DAB1: variants seen among roughly 807,000 people sequenced by gnomAD.
The protein encoded by DAB1 is DAB adaptor protein 1, also known as disabled homolog 1.
A neutral mutation model predicts 64.6 loss-of-function variants in DAB1; 15 were observed. That is an observed-to-expected ratio of 0.23 (90% confidence interval 0.16 to 0.36). The LOEUF (loss-of-function observed/expected upper bound fraction) is 0.36, where lower values mean the gene tolerates loss of function less well. Ranked by LOEUF, DAB1 falls within the 10% of genes least tolerant of loss-of-function variation. DAB1 has a pLI of 1.00. For synonymous variants in DAB1, 235 were observed against 251.9 expected (o/e 0.93, Z 0.64); for missense variants, 596 against 706.7 (o/e 0.84, Z 1.78).
intron 2 of DAB1, among the ~76,000 whole-genome samples, chr1:57,277,712 T>C (rs1570139967): frequency 6.6e-6 from 1 of 152,192 alleles, no homozygotes; most frequent in East Asian, 1.9e-4. Context: ...CTGATCCTTT[T>C]TAGGATCACA....
intron 2 of DAB1, among the ~76,000 whole-genome samples, chr1:57,248,336 T>C (rs1669050897): frequency 6.6e-6 from 1 of 152,160 alleles, no homozygotes; most frequent in African/African-American, 2.4e-5. Context: ...CCTGTAGATA[T>C]GGAGGGTCAA....
At chr1:57,107,884 C>T (rs1178904398) in intron 4 of DAB1, among the ~76,000 whole-genome samples, 1 of 152,150 alleles carries the variant, frequency 6.6e-6, no homozygotes, top group Non-Finnish European at 1.5e-5. Flanking sequence ...GACAAGGCAA[C>T]TGAGCCTTGT....
chr1:57,927,536 CA>C (rs966266937), intron 5 of DAB1, among the ~76,000 whole-genome samples: 1 of 152,018 alleles, frequency 6.6e-6, no homozygotes, highest in Non-Finnish European at 1.5e-5. Flanking sequence ...AAAAACAAAA[CA>C]AAAAACCAAC....
At chr1:58,346,119 G>A (rs6686674) in intron 3 of DAB1, among the ~76,000 whole-genome samples, 56,589 of 152,068 alleles carry the variant, frequency 0.37, 10,809 homozygotes, top group East Asian at 0.51. Flanking sequence ...TTTTGATTAG[G>A]CCTAACTGGA....
At chr1:58,213,468 C>T (rs1401162068) in intron 4 of DAB1, among the ~76,000 whole-genome samples, 1 of 152,116 alleles carries the variant, frequency 6.6e-6, no homozygotes, top group African/African-American at 2.4e-5. Context: ...AAGGCAGGCA[C>T]ATCCTTCTTC....
intron 6 of DAB1, among the ~76,000 whole-genome samples, chr1:57,770,168 G>C (rs1235081742): frequency 6.6e-6 from 1 of 152,146 alleles, no homozygotes; most frequent in Non-Finnish European, 1.5e-5. Context: ...ATCTAGAAGA[G>C]CCTTGGTATA....
intron 7 of DAB1, among the ~76,000 whole-genome samples, chr1:57,574,973 G>T (rs1231675733): frequency 6.6e-6 from 1 of 152,182 alleles, no homozygotes; most frequent in East Asian, 1.9e-4. Context: ...AGAAGGAAAA[G>T]GAGGAGATGA....
intron 6 of DAB1, among the ~76,000 whole-genome samples, chr1:57,795,690 G>GATTATATAT (rs1270547155): frequency 1.2e-4 from 8 of 69,098 alleles, no homozygotes; most frequent in African/African-American, 4.5e-4. Context: ...TATGCTTGGA[G>GATTATATAT]ATATATATAT....
chr1:57,603,195 A>T (rs985119431), intron 7 of DAB1, among the ~76,000 whole-genome samples: 1 of 151,948 alleles, frequency 6.6e-6, no homozygotes, highest in Non-Finnish European at 1.5e-5. Context: ...CTGGTCGCGA[A>T]CTCCCGACCT....
At chr1:57,002,493 G>A (rs891740949) in intron 14 of DAB1, among the ~76,000 whole-genome samples, 2 of 152,176 alleles carry the variant, frequency 1.3e-5, no homozygotes, top group African/African-American at 4.8e-5. Context: ...ATAATGTGGG[G>A]GTAATTCTGT....
At chr1:57,296,626 A>G (rs1272524656) in intron 1 of DAB1, among the ~76,000 whole-genome samples, 1 of 152,180 alleles carries the variant, frequency 6.6e-6, no homozygotes, top group African/African-American at 2.4e-5. Context: ...CTAATTAGGA[A>G]TGATTTAAAT....
intron 4 of DAB1, among the ~76,000 whole-genome samples, chr1:58,236,847 G>T (rs977515803): frequency 1.3e-5 from 2 of 152,126 alleles, no homozygotes; most frequent in African/African-American, 4.8e-5. Flanking sequence ...CAAACTTTAC[G>T]TTGCTTTTAC....
chr1:57,361,074 C>T (rs948236857), intron 1 of DAB1, among the ~76,000 whole-genome samples: 1 of 151,942 alleles, frequency 6.6e-6, no homozygotes, highest in Non-Finnish European at 1.5e-5. Context: ...GAACAGAGGA[C>T]ACCACAGAAC....
chr1:57,604,757 C>A (rs1474084810), intron 7 of DAB1, among the ~76,000 whole-genome samples: 1 of 152,206 alleles, frequency 6.6e-6, no homozygotes, highest in Non-Finnish European at 1.5e-5. Flanking sequence ...AATGGGACTC[C>A]ATTCTCAGCA....
intron 3 of DAB1, among the ~76,000 whole-genome samples, chr1:58,414,652 T>C (rs1390137954): frequency 1.3e-5 from 2 of 152,212 alleles, no homozygotes; most frequent in East Asian, 3.9e-4. Flanking sequence ...CATAGCATTA[T>C]AGAAGGACAT....
chr1:58,382,382 T>C (rs574014577), intron 3 of DAB1, among the ~76,000 whole-genome samples: 18 of 152,288 alleles, frequency 1.2e-4, no homozygotes, highest in African/African-American at 4.3e-4. Flanking sequence ...AAACTCCACC[T>C]GACTGTCAGA....
chr1:58,395,213 A>G (rs1465849314), intron 3 of DAB1, among the ~76,000 whole-genome samples: 1 of 152,046 alleles, frequency 6.6e-6, no homozygotes, highest in Non-Finnish European at 1.5e-5. Flanking sequence ...TAAAATGGAG[A>G]ATGGGGTTCA....
intron 5 of DAB1, among the ~76,000 whole-genome samples, chr1:57,910,049 T>C (rs1391432906): frequency 7.2e-5 from 11 of 152,208 alleles, no homozygotes; most frequent in Non-Finnish European, 1.2e-4. Context: ...TGAGTTCCCA[T>C]TAATTAACTG....
At chr1:57,147,680 T>A (rs1036507896) in intron 2 of DAB1, among the ~76,000 whole-genome samples, 2 of 152,184 alleles carry the variant, frequency 1.3e-5, no homozygotes, top group Non-Finnish European at 2.9e-5. Flanking sequence ...ACTATTTCAG[T>A]CCATAATAAC....
Sources: allele counts gnomAD v4.1 joint callset (sites outside exome capture counted in the v4.1 genomes callset), GRCh38; gene constraint gnomAD v4.1.1; transcripts MANE v1.5; gene names NCBI Gene and HGNC (gene_info 2026-07-23, HGNC 2026-07-21).